Variants in PLXNB2 observed in about 807,000 individuals in gnomAD.
PLXNB2 encodes the protein plexin-B2.
PLXNB2 carries 85 observed loss-of-function variants against 202.6 expected under a neutral mutation model. The ratio of observed to expected loss-of-function variants is 0.42; its 90% CI spans 0.35 to 0.50. PLXNB2 has a LOEUF of 0.50. Among genes scored for constraint, PLXNB2 ranks in the 20% least tolerant of loss-of-function variants. PLXNB2 has a pLI of 0.02. For synonymous variants in PLXNB2, 1,239 were observed against 1,137.6 expected (o/e 1.09, Z -1.79); for missense variants, 2,063 against 2,586.2 (o/e 0.80, Z 4.39).
At chr22:50,286,975 G>T (rs1475474493) in intron 8 of PLXNB2, 136 bp downstream of exon 8, 2 of 888,818 alleles carry the variant, frequency 2.3e-6, no homozygotes, top group African/African-American at 1.7e-5. Flanking sequence ...GCTTCATTCA[G>T]GCTGGGCCCC....
chr22:50,287,077 A>C (rs1285615744), intron 8 of PLXNB2, 34 bp downstream of exon 8: 2 of 1,470,540 alleles, frequency 1.4e-6, no homozygotes, highest in Non-Finnish European at 1.8e-6. Flanking sequence ...TGCGACCGAG[A>C]AGGGCCACCC....
At chr22:50,298,614 GC>G (rs2067447151) in intron 1 of PLXNB2, among the ~76,000 whole-genome samples, 1 of 152,200 alleles carries the variant, frequency 6.6e-6, no homozygotes, top group Non-Finnish European at 1.5e-5. Context: ...GGAGTTCTCT[GC>G]CTTTCAGTAT....
Position 50,288,000 on chromosome 22 carries a change from G to A in PLXNB2, c.1418C>T (p.Pro473Leu), listed in dbSNP as rs763829959. The change falls in exon 6 of 37, where the codon CCG becomes CTG. Residue 473 changes from proline (P) to leucine (L), a missense_variant. Coordinates refer to ENST00000359337, the MANE Select transcript of PLXNB2 (RefSeq NM_012401.4). Reference sequence around the variant, plus strand: ...GGAGTCGCGGCACTGGGTGCAGGTCGGGTAGCTCAGGCACTCCTGCACCGG... The same window carrying A: ...GGAGTCGCGGCACTGGGTGCAGGTCAGGTAGCTCAGGCACTCCTGCACCGG... ...RLPVQECLSY[P>L]TCTQCRDSQD... The A allele has an allele frequency of 1.0e-5, 16 of 1,570,730 alleles. No homozygotes were observed. Among genetic ancestry groups the A allele is most frequent in the Admixed American group, 1.8e-5 (1 of 54,480 alleles).
chr22:50,275,930 G>A lies in PLXNB2; in HGVS notation c.5371C>T (p.Leu1791Phe), dbSNP rs1254116165. The A allele has an allele frequency of 6.2e-7, 1 of 1,612,688 alleles. No homozygotes were observed. The highest frequency in any genetic ancestry group is 1.7e-5 in the Admixed American group (1 of 60,022). ...TGCGTGTATTGGTAGAGCTGGTGGAGTGCCACGAGGGTGTTCAAGGAGTCC... is the reference window on the plus strand; with the variant it reads ...TGCGTGTATTGGTAGAGCTGGTGGAATGCCACGAGGGTGTTCAAGGAGTCC... ...HTDSLNTLVA[L>F]HQLYQYTQKY... Residue 1791 changes from leucine (L) to phenylalanine (F), a missense_variant, in exon 36 of 37, where the codon CTC (leucine) becomes TTC (phenylalanine). Coordinates refer to ENST00000359337, the MANE Select transcript of PLXNB2 (RefSeq NM_012401.4).
Position 50,288,139 on chromosome 22 carries a change from G to A in PLXNB2, c.1381-102C>T, listed in dbSNP as rs1267653216. On this transcript the variant is annotated intron_variant, in intron 5 of 36. Transcript: ENST00000359337. This position sits in a 1 kb window ranked among gnomAD's most constrained non-coding sequence, Gnocchi z 5.0. ...CGCCAGCTTGACCCAGCTCTGTCCC[G>A]GGGCCTCGGGAGCCTCAGACACCTC... The A allele has an allele frequency of 3.9e-5, 33 of 854,152 alleles. No individual in the cohort carries two copies. The highest frequency in any genetic ancestry group is 6.4e-5 in the South Asian group (4 of 62,572). 52.9% of individuals were successfully genotyped at this position (854,152 alleles called of 1,614,324 possible). A position where few individuals can be genotyped will look rare whatever the true frequency, so the allele number is the denominator to read the frequency against.
Position 50,284,102 on chromosome 22 carries a change from C to A in PLXNB2, c.2263+30G>T. The A allele has an allele frequency of 6.5e-7, 1 of 1,548,514 alleles. No homozygotes were observed. Among genetic ancestry groups the A allele is most frequent in the African/African-American group, 1.4e-5 (1 of 73,374 alleles). On this transcript the variant is annotated intron_variant, in intron 13 of 36. Coordinates refer to ENST00000359337, the MANE Select transcript of PLXNB2 (RefSeq NM_012401.4). This position sits in a 1 kb window ranked among gnomAD's most constrained non-coding sequence, Gnocchi z 8.0. ...CCGCCTTGTGCCCACCCGTCCCCTG[C>A]CCGCCCCCCACTGCGCCCGTGGCCC...
chr22:50,297,553 C>A lies in PLXNB2; in HGVS notation c.-73-2775G>T, dbSNP rs1306851640. On this transcript the variant is annotated intron_variant, in intron 1 of 36. Coordinates refer to ENST00000359337, the MANE Select transcript of PLXNB2 (RefSeq NM_012401.4). The surrounding 1 kb of genome is among the most constrained non-coding windows in gnomAD (Gnocchi z 5.3). ...TCCTGGCCCAAGTCTACCTCCTCTG[C>A]CCGGCCTCTGGCTTCTCCCACCTCC... Among the ~76,000 whole-genome samples, 1 of 152,182 alleles carries A rather than the reference C, an allele frequency of 6.6e-6. No individual in the cohort carries two copies. Among genetic ancestry groups the A allele is most frequent in the African/African-American group, 2.4e-5 (1 of 41,450 alleles).
chr22:50,279,520 G>C, intron 27 of PLXNB2, 110 bp downstream of exon 27: 1 of 1,060,298 alleles, frequency 9.4e-7, no homozygotes, highest in Non-Finnish European at 1.4e-6. Flanking sequence ...CGAATCCACA[G>C]AGGAGGTGGA....
At chr22:50,295,764 T>C (rs574957991) in intron 1 of PLXNB2, among the ~76,000 whole-genome samples, 197 of 152,172 alleles carry the variant, frequency 1.3e-3, no homozygotes, top group Non-Finnish European at 2.3e-3. Flanking sequence ...TTTGGCCCCA[T>C]CCATCTCTGA....
intron 25 of PLXNB2, 34 bp downstream of exon 25, chr22:50,280,455 C>A: frequency 6.4e-7 from 1 of 1,569,416 alleles, no homozygotes; most frequent in Non-Finnish European, 8.6e-7. Context: ...GCCGCCCCGC[C>A]CGTGGCCCCG....
chr22:50,302,275 G>A (rs1416553523), intron 1 of PLXNB2, among the ~76,000 whole-genome samples: 1 of 152,172 alleles, frequency 6.6e-6, no homozygotes, highest in African/African-American at 2.4e-5. Flanking sequence ...CAAACACTCA[G>A]GGCTTTGGGA....
At chr22:50,276,810 G>C (rs1048694384) in intron 34 of PLXNB2, 32 bp downstream of exon 34, 1 of 1,601,218 alleles carries the variant, frequency 6.2e-7, no homozygotes, top group Admixed American at 1.7e-5. Flanking sequence ...GGGTGGGCAT[G>C]GGGGCCTGGC....
At chr22:50,304,334 G>C (rs1422775197) in intron 1 of PLXNB2, among the ~76,000 whole-genome samples, 3 of 152,170 alleles carry the variant, frequency 2.0e-5, no homozygotes, top group Non-Finnish European at 4.4e-5. Flanking sequence ...CGGGGTGCCA[G>C]TGTTCAGGGC....
In PLXNB2 at chr22:50,285,838, C is replaced by T; in HGVS notation, c.2050G>A (p.Asp684Asn). The T allele has an allele frequency of 6.2e-7, 1 of 1,613,124 alleles. No homozygotes were observed. Among genetic ancestry groups the T allele is most frequent in the Non-Finnish European group, 8.5e-7 (1 of 1,179,882 alleles). The stretch of plus-strand genomic sequence containing the variant: ...AGGTTCTTGCCCTGGAAGTTCACAT[C>T]TGTCTCGTGGTTCATGGGGATCACC... ...PLVIPMNHET[D>N]VNFQGKNLDT... The change falls in exon 11 of 37, where the codon GAT (aspartate) becomes AAT (asparagine). Residue 684 changes from aspartate to asparagine, a missense_variant. Transcript: ENST00000359337.
intron 33 of PLXNB2, among the ~76,000 whole-genome samples, chr22:50,277,162 G>A (rs957360010): frequency 6.6e-6 from 1 of 152,134 alleles, no homozygotes; most frequent in African/African-American, 2.4e-5. Context: ...CTAGCCGTGC[G>A]TTGTGGCACA....
intron 1 of PLXNB2, among the ~76,000 whole-genome samples, chr22:50,296,590 CAAAAAAAAAAAAAA>C (rs34197202): frequency 6.7e-4 from 38 of 56,438 alleles, no homozygotes; most frequent in African/African-American, 2.6e-3. Flanking sequence ...GACTCTGTCT[CAAAAAAAAAAAAAA>C]AAAAAAAAAG....
At position 50,284,568 on chromosome 22, in the gene PLXNB2, C is replaced by T. The variant is rs776606718; in HGVS notation, c.2181+5G>A. The T allele has an allele frequency of 3.3e-5, 53 of 1,609,076 alleles. No homozygotes were observed. Among genetic ancestry groups the T allele is most frequent in the South Asian group, 1.5e-4 (14 of 90,972 alleles). On this transcript the variant is annotated splice_donor_5th_base_variant and intron_variant, in intron 12 of 36. Transcript: ENST00000359337. The surrounding 1 kb of genome is among the most constrained non-coding windows in gnomAD (Gnocchi z 8.0). ...CAGCCGAGCCGGCCTGCCCTGGAGCCGTACCTTTGGGGTCCGAAAGGCGAA... is the reference window on the plus strand; with the variant it reads ...CAGCCGAGCCGGCCTGCCCTGGAGCTGTACCTTTGGGGTCCGAAAGGCGAA...
At chr22:50,300,379 C>G in intron 1 of PLXNB2, 1 of 944,282 alleles carries the variant, frequency 1.1e-6, no homozygotes, top group Non-Finnish European at 1.3e-6. Flanking sequence ...GGTGGCTCCG[C>G]CCGTGCCCCC....
At position 50,288,137 on chromosome 22, in the gene PLXNB2, C is replaced by T. The variant is rs1221361113; in HGVS notation, c.1381-100G>A. 4 of 899,290 alleles carry T rather than the reference C, an allele frequency of 4.4e-6. No homozygotes were observed. Among genetic ancestry groups the T allele is most frequent in the Non-Finnish European group, 6.9e-6 (4 of 581,282 alleles). 55.7% of individuals were successfully genotyped at this position (899,290 alleles called of 1,614,324 possible). A position where few individuals can be genotyped will look rare whatever the true frequency, so the allele number is the denominator to read the frequency against. On this transcript the variant is annotated intron_variant, in intron 5 of 36. Transcript: ENST00000359337. This position sits in a 1 kb window ranked among gnomAD's most constrained non-coding sequence, Gnocchi z 5.0. ...ACCGCCAGCTTGACCCAGCTCTGTC[C>T]CGGGGCCTCGGGAGCCTCAGACACC... is the stretch of plus-strand genomic sequence containing the variant.
Sources: allele counts gnomAD v4.1 joint callset (sites outside exome capture counted in the v4.1 genomes callset), GRCh38; gene constraint gnomAD v4.1.1; non-coding constraint Gnocchi (gnomAD v3.1); transcripts MANE v1.5; gene names NCBI Gene and HGNC (gene_info 2026-07-23, HGNC 2026-07-21).